Variants in N4BP1 observed in about 807,000 individuals in gnomAD.
The protein encoded by N4BP1 is NEDD4-binding protein 1.
N4BP1 carries 21 observed loss-of-function variants against 70.9 expected under a neutral mutation model. That is an observed-to-expected ratio of 0.30 (90% CI 0.21 to 0.43). The LOEUF (loss-of-function observed/expected upper bound fraction) is 0.43, where lower values mean the gene tolerates loss of function less well. Among genes scored for constraint, N4BP1 ranks in the 20% least tolerant of loss-of-function variants. The probability of loss-of-function intolerance (pLI) is 1.00; values close to 1 mark genes in which losing one functional copy is unlikely to be tolerated. For missense variants in N4BP1, 936 were observed against 1,069.4 expected, an observed-to-expected ratio of 0.88 and a Z score of 1.74; for synonymous variants, 387 against 394.6, an observed-to-expected ratio of 0.98 and a Z score of 0.23.
chr16:48,592,574 TTAAC>T (rs1485571893), intron 1 of N4BP1, among the ~76,000 whole-genome samples: 1 of 152,230 alleles, frequency 6.6e-6, no homozygotes, highest in East Asian at 1.9e-4. Context: ...AGAGCTCTAA[TTAAC>T]TAGCTTAAAG....
intron 1 of N4BP1, among the ~76,000 whole-genome samples, chr16:48,605,415 G>A (rs1434618484): frequency 6.6e-6 from 1 of 152,082 alleles, no homozygotes; most frequent in Non-Finnish European, 1.5e-5. Flanking sequence ...TCACAGGGAG[G>A]GTCCCACCTC....
intron 1 of N4BP1, among the ~76,000 whole-genome samples, chr16:48,580,692 T>C (rs1480750697): frequency 6.6e-6 from 1 of 152,120 alleles, no homozygotes; most frequent in African/African-American, 2.4e-5. Flanking sequence ...AAAATATAGT[T>C]GGCCTTCTCT....
At chr16:48,607,841 C>T (rs893352204) in intron 1 of N4BP1, among the ~76,000 whole-genome samples, 2 of 149,814 alleles carry the variant, frequency 1.3e-5, no homozygotes, top group Non-Finnish European at 3.0e-5. Context: ...GGTTCTATAT[C>T]TACAATGCTG....
chr16:48,598,496 A>C (rs925869436), intron 1 of N4BP1, among the ~76,000 whole-genome samples: 1 of 152,202 alleles, frequency 6.6e-6, no homozygotes, highest in Admixed American at 6.5e-5. Context: ...GACTCCTCTC[A>C]GCAGGGTGGT....
intron 1 of N4BP1, among the ~76,000 whole-genome samples, chr16:48,608,205 G>A (rs1212621004): frequency 6.6e-6 from 1 of 152,096 alleles, no homozygotes; most frequent in Non-Finnish European, 1.5e-5. Flanking sequence ...GGTTTTCACC[G>A]TGTGACACAG....
At chr16:48,546,277 G>T in intron 5 of N4BP1, 23 bp from the exon 6 acceptor site, 1 of 1,545,254 alleles carries the variant, frequency 6.5e-7, no homozygotes, top group Non-Finnish European at 8.8e-7. Flanking sequence ...ACACCATGAG[G>T]CTGAGAGACA....
chr16:48,607,042 C>T (rs1332129242), intron 1 of N4BP1, among the ~76,000 whole-genome samples: 1 of 152,122 alleles, frequency 6.6e-6, no homozygotes, highest in Non-Finnish European at 1.5e-5. Flanking sequence ...CTGATTGTGG[C>T]ATTCAACTCT....
chr16:48,547,061 G>T (rs979037079), intron 5 of N4BP1, among the ~76,000 whole-genome samples: 4 of 152,222 alleles, frequency 2.6e-5, no homozygotes, highest in Non-Finnish European at 4.4e-5. Context: ...AATGCATACA[G>T]TAATTAACTC....
chr16:48,567,086 C>G (rs1444669583), intron 1 of N4BP1, among the ~76,000 whole-genome samples: 1 of 152,108 alleles, frequency 6.6e-6, no homozygotes, highest in Non-Finnish European at 1.5e-5. Context: ...ATTTTACTTA[C>G]CTGTAATATT....
chr16:48,546,087 C>G (rs575940504), intron 6 of N4BP1, 60 bp downstream of exon 6: 160 of 1,165,410 alleles, frequency 1.4e-4, no homozygotes, highest in Non-Finnish European at 1.8e-4. Flanking sequence ...AGCACTTGCA[C>G]TAAAGCACAA....
At chr16:48,553,215 T>G (rs1056397767) in intron 3 of N4BP1, among the ~76,000 whole-genome samples, 6 of 152,202 alleles carry the variant, frequency 3.9e-5, no homozygotes, top group African/African-American at 1.4e-4. Flanking sequence ...TGAAGTGACT[T>G]CAAAAATACT....
At position 48,574,062 on chromosome 16, in the gene N4BP1, T is replaced by C. The variant is rs561216217; in HGVS notation, c.199-11618A>G. Among the ~76,000 whole-genome samples, 146 of 152,310 alleles carry C rather than the reference T, an allele frequency of 9.6e-4. 7 individuals are homozygous for C. The South Asian group carries it at 0.03, about 31-fold the overall frequency. ...GTTCAAGGGTCAACTGCTTATGATTTATAATTCTTTAGGTAACCATCAGAA... is the reference window on the plus strand; with the variant it reads ...GTTCAAGGGTCAACTGCTTATGATTCATAATTCTTTAGGTAACCATCAGAA... On this transcript the variant is annotated intron_variant, in intron 1 of 6. Coordinates refer to ENST00000262384, the MANE Select transcript of N4BP1 (RefSeq NM_153029.4).
rs751994540 is a variant in N4BP1, at chr16:48,561,038, T to C, written c.1605A>G (p.Pro535=). 10 of 1,613,894 alleles carry C rather than the reference T, an allele frequency of 6.2e-6. No homozygotes were observed. In the African/African-American group the frequency reaches 1.2e-4, roughly 19 times the overall value. Residue 535 remains proline, a synonymous_variant, in exon 2 of 7, where the codon CCA becomes CCG. Coordinates refer to ENST00000262384, the MANE Select transcript of N4BP1 (RefSeq NM_153029.4). The part of the protein sequence containing the change: ...GLHQQPEPLL[P]NNMKSACEKR... Reference sequence around the variant, plus strand: ...TTTCACAGGCAGATTTCATATTATTTGGAAGCAAGGGTTCTGGCTGCTGGT... The same window carrying C: ...TTTCACAGGCAGATTTCATATTATTCGGAAGCAAGGGTTCTGGCTGCTGGT...
At chr16:48,549,432 G>GT (rs1235641201) in intron 4 of N4BP1, among the ~76,000 whole-genome samples, 5 of 152,170 alleles carry the variant, frequency 3.3e-5, no homozygotes, top group Admixed American at 2.0e-4. Flanking sequence ...CCAAAAAGCC[G>GT]TATCAGCCAA....
chr16:48,582,148 T>C (rs1353900990), intron 1 of N4BP1, among the ~76,000 whole-genome samples: 3 of 152,190 alleles, frequency 2.0e-5, no homozygotes, highest in African/African-American at 7.2e-5. Context: ...AATAGACACA[T>C]TTATCAAAAG....
Position 48,562,175 on chromosome 16 carries a change from C to T in N4BP1, c.468G>A (p.Val156=). 2.5e-6 allele frequency: 4 copies of T among 1,613,972 alleles called. No individual in the cohort carries two copies. The highest frequency in any genetic ancestry group is 2.5e-6 in the Non-Finnish European group (3 of 1,179,894). The part of the protein sequence containing the change: ...NLPSSQKESE[V]KREFKQFVEA... Reference sequence around the variant, plus strand: ...CAACAAATTGTTTGAATTCCCTTTTCACCTCTGATTCTTTCTGACTACTGG... The same window carrying T: ...CAACAAATTGTTTGAATTCCCTTTTTACCTCTGATTCTTTCTGACTACTGG... Residue 156 remains valine (V), a synonymous_variant, in exon 2 of 7, where the codon GTG becomes GTA. Coordinates refer to ENST00000262384, the MANE Select transcript of N4BP1 (RefSeq NM_153029.4).
At chr16:48,594,585 G>C (rs1476599334) in intron 1 of N4BP1, among the ~76,000 whole-genome samples, 1 of 152,012 alleles carries the variant, frequency 6.6e-6, no homozygotes, top group Admixed American at 6.5e-5. Flanking sequence ...TGAACTCCTG[G>C]CCTCAAGTGA....
intron 2 of N4BP1, among the ~76,000 whole-genome samples, chr16:48,556,069 T>C (rs1165786292): frequency 6.6e-6 from 1 of 152,108 alleles, no homozygotes; most frequent in Non-Finnish European, 1.5e-5. Context: ...CCTGGACTCC[T>C]TACAAGTCTA....
chr16:48,594,097 G>T (rs565794479), intron 1 of N4BP1, among the ~76,000 whole-genome samples: 3 of 144,856 alleles, frequency 2.1e-5, no homozygotes, highest in Admixed American at 6.9e-5. Flanking sequence ...CTTTTGAAAA[G>T]AATTTTCATG....
Sources: allele counts gnomAD v4.1 joint callset (sites outside exome capture counted in the v4.1 genomes callset), GRCh38; gene constraint gnomAD v4.1.1; transcripts MANE v1.5; gene names NCBI Gene and HGNC (gene_info 2026-07-23, HGNC 2026-07-21).